Variants in PRDM16 observed in about 807,000 individuals in gnomAD.
PRDM16 encodes the protein PR/SET domain 16, also known as histone-lysine N-methyltransferase PRDM16.
Under a neutral mutation model 110.6 loss-of-function variants are expected in PRDM16, and 23 were observed. That is an observed-to-expected ratio of 0.21 (90% CI 0.15 to 0.29). The LOEUF (loss-of-function observed/expected upper bound fraction) is 0.29. Among genes scored for constraint, PRDM16 ranks in the 10% least tolerant of loss-of-function variants. PRDM16 has a pLI of 1.00. For synonymous variants in PRDM16, 799 were observed against 781.8 expected (o/e 1.02, Z -0.37); for missense variants, 1,615 against 1,794.3 (o/e 0.90, Z 1.81).
intron 3 of PRDM16, among the ~76,000 whole-genome samples, chr1:3,364,030 C>A (rs913995602): frequency 3.3e-5 from 5 of 151,916 alleles, no homozygotes; most frequent in African/African-American, 1.2e-4. Context: ...ATTTTGTCTG[C>A]GGGGGGGAAG....
At chr1:3,325,198 C>A (rs1326737752) in intron 3 of PRDM16, among the ~76,000 whole-genome samples, 1 of 152,204 alleles carries the variant, frequency 6.6e-6, no homozygotes. Context: ...ATCTCTCATG[C>A]CTGTGAGCTG....
intron 1 of PRDM16, among the ~76,000 whole-genome samples, chr1:3,182,240 G>A (rs1033373056): frequency 1.8e-4 from 27 of 152,224 alleles, no homozygotes; most frequent in African/African-American, 6.5e-4. Flanking sequence ...AAGAATCTAG[G>A]CTGAAATCTG....
Position 3,437,217 on chromosome 1 carries a change from G to A in PRDM16, c.*3406G>A, listed in dbSNP as rs575288221. On this transcript the variant is annotated 3_prime_UTR_variant, in exon 17 of 17. Coordinates refer to ENST00000270722, the MANE Select transcript of PRDM16 (RefSeq NM_022114.4). ...GAGAGGCCTTCCTTTACAAGGCCAC[G>A]CGTGCAGCTGTCCCATCCAGACCCC... 5.1e-4 allele frequency: 118 copies of A among 232,648 alleles called. No homozygotes were observed. Among genetic ancestry groups the A allele is most frequent in the Admixed American group, 5.0e-3 (88 of 17,770 alleles). The allele number at this position is 232,648 out of a possible 1,614,324, so 14.4% of individuals were successfully genotyped here.
At chr1:3,241,751 A>AGGGCAG (rs1307078052) in intron 2 of PRDM16, among the ~76,000 whole-genome samples, 1 of 152,216 alleles carries the variant, frequency 6.6e-6, no homozygotes, top group Non-Finnish European at 1.5e-5. Flanking sequence ...GCAGGGAGAC[A>AGGGCAG]GGAAGATCAG....
intron 3 of PRDM16, among the ~76,000 whole-genome samples, chr1:3,336,678 ATATG>A (rs1261999639): frequency 2.2e-4 from 15 of 67,382 alleles, no homozygotes; most frequent in African/African-American, 9.0e-4. Context: ...ATTCACACAC[ATATG>A]TGTTTTTGTG....
At position 3,080,478 on chromosome 1, in the gene PRDM16, A is replaced by G. The variant is rs1173119578; in HGVS notation, c.37+11182A>G. Among the ~76,000 whole-genome samples the G allele has an allele frequency of 6.6e-6, 1 of 152,164 alleles. No homozygotes were observed. Among genetic ancestry groups the G allele is most frequent in the Non-Finnish European group, 1.5e-5 (1 of 68,026 alleles). On this transcript the variant is annotated intron_variant, in intron 1 of 16. Transcript: ENST00000270722. This position sits in a 1 kb window ranked among gnomAD's most constrained non-coding sequence, Gnocchi z 5.2. ...ATGTGGCTAATTATTTATTTATCAC[A>G]TTGGCAGGAGGAAAAGCTATCAGAG... is the stretch of plus-strand genomic sequence containing the variant.
At chr1:3,326,221 C>A (rs775615624) in intron 3 of PRDM16, among the ~76,000 whole-genome samples, 6 of 152,242 alleles carry the variant, frequency 3.9e-5, no homozygotes, top group Non-Finnish European at 8.8e-5. Flanking sequence ...CTTGGCCATT[C>A]TTGGCTTCTA....
chr1:3,194,876 G>T (rs1638425287), intron 2 of PRDM16, among the ~76,000 whole-genome samples: 1 of 152,232 alleles, frequency 6.6e-6, no homozygotes, highest in Non-Finnish European at 1.5e-5. Flanking sequence ...CCCCACGGTT[G>T]AGTGGGCTCG....
rs1034212585 is a variant in PRDM16, at chr1:3,350,406, CCT to C, written c.439-34743_439-34742del. Reference sequence around the variant, plus strand: ...AACCTGGGCACCCTTGAAGCCACCCCCTCTTTCCCTCCTGGGCTCTACTGCTC... The same window carrying C: ...AACCTGGGCACCCTTGAAGCCACCCCCTTTCCCTCCTGGGCTCTACTGCTC... On this transcript the variant is annotated intron_variant, in intron 3 of 16. Coordinates refer to ENST00000270722, the MANE Select transcript of PRDM16 (RefSeq NM_022114.4). This position sits in a 1 kb window ranked among gnomAD's most constrained non-coding sequence, Gnocchi z 7.1. Among the ~76,000 whole-genome samples the C allele has an allele frequency of 2.6e-5, 4 of 152,136 alleles. No homozygotes were observed. Among genetic ancestry groups the C allele is most frequent in the Non-Finnish European group, 5.9e-5 (4 of 68,010 alleles).
At chr1:3,180,585 G>A (rs1256218164) in intron 1 of PRDM16, among the ~76,000 whole-genome samples, 2 of 152,200 alleles carry the variant, frequency 1.3e-5, no homozygotes, top group African/African-American at 4.8e-5. Flanking sequence ...AGCATCAGGA[G>A]GCCCCCAGGG....
At chr1:3,105,387 A>G (rs1326332341) in intron 1 of PRDM16, among the ~76,000 whole-genome samples, 1 of 152,192 alleles carries the variant, frequency 6.6e-6, no homozygotes, top group Non-Finnish European at 1.5e-5. Context: ...GGCGCTGTGC[A>G]TGGGCGCATG....
chr1:3,268,313 A>G (rs555698055), intron 3 of PRDM16, among the ~76,000 whole-genome samples: 1 of 152,396 alleles, frequency 6.6e-6, no homozygotes, highest in African/African-American at 2.4e-5. Context: ...TAGGATAATT[A>G]AAAAAGAAGG....
At chr1:3,116,180 T>C (rs965600709) in intron 1 of PRDM16, among the ~76,000 whole-genome samples, 2 of 152,120 alleles carry the variant, frequency 1.3e-5, no homozygotes, top group African/African-American at 4.8e-5. Context: ...GTTGAATTGT[T>C]CCTTACCGGG....
At position 3,339,213 on chromosome 1, in the gene PRDM16, CCA is replaced by C. The variant is rs1049773291; in HGVS notation, c.439-45937_439-45936del. 2.4e-4 allele frequency among the ~76,000 whole-genome samples: 36 copies of C among 152,274 alleles called. No homozygotes were observed. The highest frequency in any genetic ancestry group is 7.9e-4 in the African/African-American group (33 of 41,566). On this transcript the variant is annotated intron_variant, in intron 3 of 16. Coordinates refer to ENST00000270722, the MANE Select transcript of PRDM16 (RefSeq NM_022114.4). This position sits in a 1 kb window ranked among gnomAD's most constrained non-coding sequence, Gnocchi z 5.0. ...TCACCTCCAGCTGCTGAAAGCCGAACCACGTTTTGTGGGATACTGCCCCCGAG... is the reference window on the plus strand; with the variant it reads ...TCACCTCCAGCTGCTGAAAGCCGAACCGTTTTGTGGGATACTGCCCCCGAG...
rs1643688564 is a variant in PRDM16, at chr1:3,411,662, T to C, written c.1465T>C (p.Phe489Leu). The C allele has an allele frequency of 1.9e-6, 3 of 1,612,926 alleles. No homozygotes were observed. The highest frequency in any genetic ancestry group is 4.5e-5 in the East Asian group (2 of 44,844). The change falls in exon 9 of 17, where the codon TTT (phenylalanine) becomes CTT (leucine). Residue 489 changes from phenylalanine to leucine, a missense_variant. Transcript: ENST00000270722. ...CGCCAGCCTGGGCTTCAACGAGTAC[T>C]TTCCCTCCAGGCCGCACCCGGGGAG... is the stretch of plus-strand genomic sequence containing the variant. ...NHASLGFNEY[F>L]PSRPHPGSLP...
chr1:3,180,192 G>C (rs1644133863), intron 1 of PRDM16, among the ~76,000 whole-genome samples: 2 of 150,900 alleles, frequency 1.3e-5, no homozygotes, highest in African/African-American at 2.4e-5. Context: ...TTGTTTGTTT[G>C]CTTGTTTGTT....
At chr1:3,385,540 G>A (rs929574217) in intron 4 of PRDM16, among the ~76,000 whole-genome samples, 5 of 152,208 alleles carry the variant, frequency 3.3e-5, no homozygotes, top group African/African-American at 1.2e-4. Flanking sequence ...CCTGAACCCC[G>A]AGATGGTGGT....
chr1:3,112,669 G>A (rs1642824493), intron 1 of PRDM16, among the ~76,000 whole-genome samples: 1 of 152,250 alleles, frequency 6.6e-6, no homozygotes, highest in African/African-American at 2.4e-5. Context: ...CCGCATTCCT[G>A]CAGACAGGGC....
intron 3 of PRDM16, among the ~76,000 whole-genome samples, chr1:3,261,557 C>T (rs1640165219): frequency 1.3e-5 from 2 of 152,200 alleles, no homozygotes; most frequent in African/African-American, 4.8e-5. Context: ...CTCCGGCAAA[C>T]AGGCCCTGGA....
Sources: gnomAD v4.1 joint callset for allele counts (sites outside exome capture counted in the v4.1 genomes callset) on GRCh38, gnomAD v4.1.1 for gene constraint, Gnocchi (gnomAD v3.1) non-coding constraint, MANE v1.5 for transcripts, NCBI Gene and HGNC (gene_info 2026-07-23, HGNC 2026-07-21) for gene names.